Variants in UVRAG observed in about 807,000 individuals in gnomAD.
UVRAG encodes the protein UV radiation resistance associated, also known as UV radiation resistance-associated gene protein.
UVRAG carries 19 observed loss-of-function variants against 78.0 expected under a neutral mutation model. The ratio of observed to expected loss-of-function variants is 0.24; its 90% CI spans 0.17 to 0.36. The LOEUF is 0.36. UVRAG is among the 10% of genes least tolerant of loss of function. UVRAG has a pLI of 1.00. For missense variants in UVRAG, 740 were observed against 853.8 expected, an observed-to-expected ratio of 0.87 and a Z score of 1.66; for synonymous variants, 323 against 324.6, an observed-to-expected ratio of 1.00 and a Z score of 0.05.
intron 5 of UVRAG, among the ~76,000 whole-genome samples, chr11:75,897,768 C>A (rs1444421398): frequency 6.6e-6 from 1 of 151,814 alleles, no homozygotes; most frequent in Non-Finnish European, 1.5e-5. Flanking sequence ...AAGTGATCTG[C>A]CCACCTCGGC....
At chr11:76,043,468 G>A (rs368713317) in intron 12 of UVRAG, among the ~76,000 whole-genome samples, 3 of 152,240 alleles carry the variant, frequency 2.0e-5, no homozygotes, top group South Asian at 2.1e-4. Flanking sequence ...TTTTTGTAAA[G>A]AACATCTTGA....
chr11:75,818,770 C>T (rs769500425), intron 1 of UVRAG, among the ~76,000 whole-genome samples: 2 of 152,146 alleles, frequency 1.3e-5, no homozygotes, highest in Middle Eastern at 3.2e-3. Flanking sequence ...AGCCATTGCG[C>T]CCGGCTGGTA....
At chr11:75,828,121 A>G (rs544870672) in intron 1 of UVRAG, among the ~76,000 whole-genome samples, 7 of 152,332 alleles carry the variant, frequency 4.6e-5, no homozygotes, top group African/African-American at 1.7e-4. Context: ...GACTATACTC[A>G]TTACAGGATA....
At chr11:76,052,223 G>A (rs1213206509) in intron 12 of UVRAG, among the ~76,000 whole-genome samples, 8 of 152,178 alleles carry the variant, frequency 5.3e-5, no homozygotes, top group Non-Finnish European at 5.9e-5. Flanking sequence ...CTGGCACATA[G>A]TATGAGTTCT....
chr11:75,933,880 G>T (rs1591035096), intron 6 of UVRAG, among the ~76,000 whole-genome samples: 2 of 152,198 alleles, frequency 1.3e-5, no homozygotes, highest in East Asian at 3.8e-4. Context: ...GGAGAAAAGG[G>T]AACCCTTGTA....
At chr11:75,853,011 A>G (rs933209388) in intron 2 of UVRAG, among the ~76,000 whole-genome samples, 2 of 152,064 alleles carry the variant, frequency 1.3e-5, no homozygotes, top group African/African-American at 2.4e-5. Context: ...CACAGACTCA[A>G]ATGATCCTCC....
chr11:75,943,278 T>G (rs1591046157), intron 6 of UVRAG, among the ~76,000 whole-genome samples: 1 of 151,910 alleles, frequency 6.6e-6, no homozygotes, highest in South Asian at 2.1e-4. Flanking sequence ...ATTTATAGTT[T>G]GATAGAAAAT....
intron 1 of UVRAG, among the ~76,000 whole-genome samples, chr11:75,823,669 G>T (rs2135806913): frequency 6.6e-6 from 1 of 152,290 alleles, no homozygotes; most frequent in Middle Eastern, 3.4e-3. Flanking sequence ...TCAACAAAGG[G>T]ACTACAATCT....
At chr11:76,061,409 C>T (rs1292924967) in intron 12 of UVRAG, among the ~76,000 whole-genome samples, 1 of 152,164 alleles carries the variant, frequency 6.6e-6, no homozygotes, top group African/African-American at 2.4e-5. Flanking sequence ...CCAGCAGTGG[C>T]AACCCGCTGG....
chr11:75,852,067 A>G lies in UVRAG; in HGVS notation c.235+67A>G, dbSNP rs1957217610. On this transcript the variant is annotated intron_variant, in intron 2 of 14. Transcript: ENST00000356136. ...TTTTATTTTTTTTGTAACACAAGTG[A>G]TTCTCAGTGCCTCCTGCTTTTGTGG... 8 of 1,108,752 alleles carry G rather than the reference A, an allele frequency of 7.2e-6. 1 individual carries two copies. The highest frequency in any genetic ancestry group is 4.7e-5 in the Admixed American group (2 of 42,320). The allele number at this position is 1,108,752 out of a possible 1,614,324, so 68.7% of individuals were successfully genotyped here. A position where few individuals can be genotyped will look rare whatever the true frequency, so the allele number is the denominator to read the frequency against.
chr11:76,120,198 G>A (rs982881632), intron 14 of UVRAG, among the ~76,000 whole-genome samples: 3 of 152,184 alleles, frequency 2.0e-5, no homozygotes, highest in African/African-American at 7.2e-5. Context: ...TTTAAGAATG[G>A]GGAGAATCTG....
rs1380116516 is a variant in UVRAG at position 76,142,824 on chromosome 11, A to G, written c.*1411A>G. The G allele has an allele frequency of 6.6e-6, 1 of 152,190 alleles. No individual in the cohort carries two copies. The highest frequency in any genetic ancestry group is 1.5e-5 in the Non-Finnish European group (1 of 68,018). The allele number at this position is 152,190 out of a possible 1,614,324, so 9.4% of individuals were successfully genotyped here. ...CAACACAAACACTTGACAGGTATAT[A>G]CTCCAGTCGCCACATTTGTCCTGCA... On this transcript the variant is annotated 3_prime_UTR_variant, in exon 15 of 15. Transcript: ENST00000356136.
intron 12 of UVRAG, among the ~76,000 whole-genome samples, chr11:76,049,082 G>A (rs1299799932): frequency 6.6e-6 from 1 of 152,214 alleles, no homozygotes; most frequent in Non-Finnish European, 1.5e-5. Flanking sequence ...GCTATTGTTT[G>A]TGTAGTGTAT....
intron 2 of UVRAG, among the ~76,000 whole-genome samples, chr11:75,860,083 T>C (rs547270024): frequency 6.6e-6 from 1 of 152,370 alleles, no homozygotes; most frequent in African/African-American, 2.4e-5. Flanking sequence ...TAGCTGGGAT[T>C]ACAGGCACCC....
chr11:75,967,414 G>A (rs1949043567), intron 7 of UVRAG, among the ~76,000 whole-genome samples: 2 of 152,184 alleles, frequency 1.3e-5, no homozygotes, highest in African/African-American at 4.8e-5. Flanking sequence ...TGTAGGTCCA[G>A]TAGAAACAAC....
intron 12 of UVRAG, among the ~76,000 whole-genome samples, chr11:76,049,678 A>G (rs1016685842): frequency 1.6e-4 from 24 of 152,056 alleles, no homozygotes; most frequent in African/African-American, 5.8e-4. Context: ...CCATACATTC[A>G]CCCCTCCCTC....
chr11:75,943,739 C>T (rs1291267565), intron 6 of UVRAG, among the ~76,000 whole-genome samples: 2 of 152,102 alleles, frequency 1.3e-5, no homozygotes, highest in East Asian at 1.9e-4. Context: ...CTTTCCCACC[C>T]ACGATGCTAT....
intron 6 of UVRAG, among the ~76,000 whole-genome samples, chr11:75,914,980 A>G (rs1429880683): frequency 6.6e-6 from 1 of 151,368 alleles, no homozygotes; most frequent in African/African-American, 2.4e-5. Flanking sequence ...GTGGTGGCTC[A>G]TGCCTGTAAT....
intron 7 of UVRAG, among the ~76,000 whole-genome samples, chr11:75,965,398 G>A (rs1243442301): frequency 2.0e-5 from 3 of 152,130 alleles, no homozygotes; most frequent in Non-Finnish European, 4.4e-5. Context: ...TGCACCCTCC[G>A]ACTTCCGGGT....
Sources: gnomAD v4.1 joint callset for allele counts (sites outside exome capture counted in the v4.1 genomes callset) on GRCh38, gnomAD v4.1.1 for gene constraint, MANE v1.5 for transcripts, NCBI Gene and HGNC (gene_info 2026-07-23, HGNC 2026-07-21) for gene names.